The following LRRTM4 variants were observed in gnomAD, a reference collection of about 807,000 sequenced individuals.
The protein encoded by LRRTM4 is leucine-rich repeat transmembrane neuronal protein 4.
A neutral mutation model predicts 47.6 loss-of-function variants in LRRTM4; 25 were observed. That is an observed-to-expected ratio of 0.53 (90% confidence interval 0.38 to 0.73). LRRTM4 has a LOEUF of 0.73. Among genes scored for constraint, LRRTM4 ranks in the 30% least tolerant of loss-of-function variants. The pLI, the probability that LRRTM4 is intolerant of heterozygous loss-of-function variation, is 0.00. For synonymous variants in LRRTM4, 311 were observed against 269.5 expected, an observed-to-expected ratio of 1.15 and a Z score of -1.51; for missense variants, 638 against 713.4, an observed-to-expected ratio of 0.89 and a Z score of 1.20.
In LRRTM4 at chr2:77,519,326, C is replaced by T. The variant is rs759074922; in HGVS notation, c.543G>A (p.Arg181=). ...TVPIRVFQDC[R]NLDFLDLGYN... Reference sequence around the variant, plus strand: ...AACCCAAATCCAAAAAATCAAGATTCCGACAGTCTTGAAAAACTCTTATGG... The same window carrying T: ...AACCCAAATCCAAAAAATCAAGATTTCGACAGTCTTGAAAAACTCTTATGG... Residue 181 remains arginine (R), a synonymous_variant, in exon 3 of 4, where the codon CGG becomes CGA. Transcript: ENST00000409884. The surrounding 1 kb of genome is among the most constrained non-coding windows in gnomAD (Gnocchi z 4.6). 10 of 1,613,442 alleles carry T rather than the reference C, an allele frequency of 6.2e-6. 1 individual carries two copies. The South Asian group carries it at 9.9e-5, about 16-fold the overall frequency.
intron 3 of LRRTM4, among the ~76,000 whole-genome samples, chr2:76,788,750 C>T (rs1222621435): frequency 6.6e-6 from 1 of 151,932 alleles, no homozygotes; most frequent in Admixed American, 6.6e-5. Flanking sequence ...GAAAGAAGAC[C>T]CTGTGAATTT....
chr2:77,456,051 T>A (rs1304981248), intron 3 of LRRTM4, among the ~76,000 whole-genome samples: 1 of 152,158 alleles, frequency 6.6e-6, no homozygotes, highest in Non-Finnish European at 1.5e-5. Flanking sequence ...AATCCCTCCA[T>A]GTCCCCTACC....
At chr2:76,858,945 T>C (rs1200639934) in intron 3 of LRRTM4, among the ~76,000 whole-genome samples, 1 of 152,174 alleles carries the variant, frequency 6.6e-6, no homozygotes, top group Non-Finnish European at 1.5e-5. Context: ...TCCAGGTGTC[T>C]GGATGGGCAG....
In LRRTM4 at chr2:77,473,637, G is replaced by A. The variant is rs115325529; in HGVS notation, c.1551+44681C>T. On this transcript the variant is annotated intron_variant, in intron 3 of 3. Transcript: ENST00000409884. Reference sequence around the variant, plus strand: ...TGAGCTTTAGTTTTTGCCTCATGAGGCCTTCTGAGCTGTCACATTGACTTA... The same window carrying A: ...TGAGCTTTAGTTTTTGCCTCATGAGACCTTCTGAGCTGTCACATTGACTTA... 7.8e-3 allele frequency among the ~76,000 whole-genome samples: 1,185 copies of A among 152,162 alleles called. 14 individuals carry two copies. Among genetic ancestry groups the A allele is most frequent in the African/African-American group, 0.027 (1,137 of 41,532 alleles).
At chr2:76,813,286 T>C (rs2103829736) in intron 3 of LRRTM4, among the ~76,000 whole-genome samples, 1 of 152,306 alleles carries the variant, frequency 6.6e-6, no homozygotes, top group African/African-American at 2.4e-5. Context: ...GGAATGATTT[T>C]TCTTTACATA....
intron 3 of LRRTM4, among the ~76,000 whole-genome samples, chr2:77,251,347 T>C (rs188941241): frequency 2.0e-5 from 3 of 151,706 alleles, no homozygotes; most frequent in African/African-American, 7.2e-5. Flanking sequence ...TTGTCTATTG[T>C]AGATTTTTAA....
chr2:76,939,212 T>G (rs544068472), intron 3 of LRRTM4, among the ~76,000 whole-genome samples: 1 of 152,298 alleles, frequency 6.6e-6, no homozygotes, highest in South Asian at 2.1e-4. Context: ...AAGTAAACCT[T>G]AGATTTTAAG....
At chr2:77,064,793 AC>A (rs1325743935) in intron 3 of LRRTM4, among the ~76,000 whole-genome samples, 1 of 151,632 alleles carries the variant, frequency 6.6e-6, no homozygotes, top group Non-Finnish European at 1.5e-5. Flanking sequence ...GATTGGGGGG[AC>A]TTTTGGATAT....
At chr2:77,325,699 A>G (rs1169985306) in intron 3 of LRRTM4, among the ~76,000 whole-genome samples, 1 of 152,148 alleles carries the variant, frequency 6.6e-6, no homozygotes, top group African/African-American at 2.4e-5. Flanking sequence ...CTGAAATAAT[A>G]TCAAGTACTT....
chr2:77,384,724 G>A (rs1252052325), intron 3 of LRRTM4, among the ~76,000 whole-genome samples: 1 of 152,004 alleles, frequency 6.6e-6, no homozygotes, highest in African/African-American at 2.4e-5. Flanking sequence ...AAAGGAATTG[G>A]TAAAAAGACA....
At chr2:77,106,624 T>G (rs1177500902) in intron 3 of LRRTM4, among the ~76,000 whole-genome samples, 1 of 151,778 alleles carries the variant, frequency 6.6e-6, no homozygotes, top group African/African-American at 2.4e-5. Context: ...ACCCAAATGG[T>G]GGGTAAAATA....
chr2:77,064,643 C>G (rs539130306), intron 3 of LRRTM4, among the ~76,000 whole-genome samples: 4 of 152,240 alleles, frequency 2.6e-5, no homozygotes, highest in Admixed American at 2.6e-4. Context: ...GCATTAAGTT[C>G]GGGAGTGTAT....
intron 3 of LRRTM4, among the ~76,000 whole-genome samples, chr2:77,183,161 G>A: frequency 6.6e-6 from 1 of 152,204 alleles, no homozygotes; most frequent in Admixed American, 6.5e-5. Flanking sequence ...TACAGAATGG[G>A]AGAAAATTTT....
intron 3 of LRRTM4, among the ~76,000 whole-genome samples, chr2:76,802,595 A>C (rs1261988627): frequency 6.6e-6 from 1 of 152,124 alleles, no homozygotes; most frequent in East Asian, 1.9e-4. Flanking sequence ...TTTTTCACAT[A>C]ATAGGAAACA....
chr2:77,075,914 CAAAAAAAAAAAAAAA>C (rs61718845), intron 3 of LRRTM4, among the ~76,000 whole-genome samples: 3 of 36,856 alleles, frequency 8.1e-5, no homozygotes, highest in Non-Finnish European at 1.0e-4. Context: ...GACTCCGTCT[CAAAAAAAAAAAAAAA>C]AAAAAAAAAA....
chr2:76,857,239 TCTTG>T (rs1413219724), intron 3 of LRRTM4, among the ~76,000 whole-genome samples: 9 of 150,428 alleles, frequency 6.0e-5, no homozygotes, highest in African/African-American at 1.5e-4. Context: ...AGATATTTTC[TCTTG>T]CTTATGATTT....
At chr2:76,858,611 A>G (rs1672225851) in intron 3 of LRRTM4, among the ~76,000 whole-genome samples, 1 of 152,184 alleles carries the variant, frequency 6.6e-6, no homozygotes, top group Non-Finnish European at 1.5e-5. Flanking sequence ...TGTTCACTGT[A>G]GAGGAGTATT....
At chr2:77,203,949 T>C (rs947180195) in intron 3 of LRRTM4, among the ~76,000 whole-genome samples, 11 of 152,212 alleles carry the variant, frequency 7.2e-5, no homozygotes, top group East Asian at 1.9e-4. Context: ...ACAGAGTAAG[T>C]CGCTATAGCA....
At chr2:76,782,564 G>T (rs534067141) in intron 3 of LRRTM4, among the ~76,000 whole-genome samples, 92 of 152,286 alleles carry the variant, frequency 6.0e-4, no homozygotes, top group African/African-American at 2.0e-3. Context: ...ATTTTAAGCA[G>T]TTATGATTTA....
Sources: gnomAD v4.1 joint callset for allele counts (sites outside exome capture counted in the v4.1 genomes callset) on GRCh38, gnomAD v4.1.1 for gene constraint, Gnocchi (gnomAD v3.1) non-coding constraint, MANE v1.5 for transcripts, NCBI Gene and HGNC (gene_info 2026-07-23, HGNC 2026-07-21) for gene names.